CREBRF: variants seen among roughly 807,000 people sequenced by gnomAD.
CREBRF encodes UPF0474 protein C5orf41.
Under a neutral mutation model 66.1 loss-of-function variants are expected in CREBRF, and 5 were observed. That is an observed-to-expected ratio of 0.08 (90% CI 0.04 to 0.16). CREBRF has a LOEUF of 0.16. CREBRF is among the 10% of genes least tolerant of loss of function. CREBRF has a pLI of 1.00. For missense variants in CREBRF, 531 were observed against 744.9 expected (o/e 0.71, Z 3.34); for synonymous variants, 229 against 264.4 (o/e 0.87, Z 1.30).
At position 173,086,629 on chromosome 5, in the gene CREBRF, A is replaced by G; in HGVS notation, c.135+3A>G. The stretch of plus-strand genomic sequence containing the variant: ...ATCCAGATTTCATGTATGAACTGGT[A>G]AGCAACATTTTCTTGGTTTTGGTCT... On this transcript the variant is annotated splice_donor_region_variant and intron_variant, in intron 3 of 8. Transcript: ENST00000296953. 1 of 1,607,070 alleles carries G rather than the reference A, an allele frequency of 6.2e-7. No individual in the cohort carries two copies. The highest frequency in any genetic ancestry group is 8.5e-7 in the Non-Finnish European group (1 of 1,177,264).
intron 8 of CREBRF, among the ~76,000 whole-genome samples, chr5:173,127,874 A>G (rs1759311819): frequency 6.6e-6 from 1 of 152,172 alleles, no homozygotes; most frequent in South Asian, 2.1e-4. Context: ...AAATTTATTA[A>G]AAGTGAGCAA....
chr5:173,076,717 C>T (rs1561796055), intron 1 of CREBRF, among the ~76,000 whole-genome samples: 1 of 143,468 alleles, frequency 7.0e-6, no homozygotes, highest in East Asian at 2.1e-4. Context: ...GATTGCACCA[C>T]TGCATTCCAG....
At chr5:173,109,635 T>C (rs1250886615) in intron 5 of CREBRF, 1 of 152,152 alleles carries the variant, frequency 6.6e-6, no homozygotes, top group Non-Finnish European at 1.5e-5. Context: ...TAATACAAAG[T>C]CTTTACTGAA....
At chr5:173,098,676 A>C (rs1037261667) in intron 4 of CREBRF, among the ~76,000 whole-genome samples, 3 of 152,036 alleles carry the variant, frequency 2.0e-5, no homozygotes, top group African/African-American at 4.8e-5. Context: ...TGATCTATCC[A>C]TTGTTGAAAA....
At chr5:173,103,477 G>A (rs1758675595) in intron 4 of CREBRF, among the ~76,000 whole-genome samples, 1 of 152,192 alleles carries the variant, frequency 6.6e-6, no homozygotes. Context: ...TGTAGCAAAA[G>A]AGTAAGGATA....
At chr5:173,105,225 ATGTGTGTGTGTGTGTGTG>A (rs34768667) in intron 4 of CREBRF, among the ~76,000 whole-genome samples, 2 of 146,546 alleles carry the variant, frequency 1.4e-5, no homozygotes, top group Non-Finnish European at 3.0e-5. Context: ...GTGTGTATAT[ATGTGTGTGTGTGTGTGTG>A]TGTGTGTGTG....
intron 7 of CREBRF, among the ~76,000 whole-genome samples, chr5:173,122,301 C>T (rs918996115): frequency 4.6e-5 from 7 of 152,082 alleles, no homozygotes; most frequent in Non-Finnish European, 7.4e-5. Flanking sequence ...AGGGTTTCAC[C>T]GTTTGGCCAG....
At chr5:173,117,004 T>G (rs1759005323) in intron 7 of CREBRF, among the ~76,000 whole-genome samples, 1 of 152,224 alleles carries the variant, frequency 6.6e-6, no homozygotes, top group South Asian at 2.1e-4. Context: ...CCTGTGCTTA[T>G]TGGCTGTTCA....
chr5:173,124,987 T>G (rs985987947), intron 8 of CREBRF, among the ~76,000 whole-genome samples: 1 of 149,566 alleles, frequency 6.7e-6, no homozygotes, highest in Non-Finnish European at 1.5e-5. Flanking sequence ...GGCACAATCT[T>G]AGCTCACTGC....
intron 1 of CREBRF, among the ~76,000 whole-genome samples, chr5:173,072,119 T>C (rs1757615120): frequency 6.6e-6 from 1 of 152,068 alleles, no homozygotes; most frequent in Admixed American, 6.6e-5. Flanking sequence ...TTTTCCTTTT[T>C]TTTTAAGAGA....
At chr5:173,119,714 TC>T (rs1210618823) in intron 7 of CREBRF, among the ~76,000 whole-genome samples, 4 of 152,210 alleles carry the variant, frequency 2.6e-5, no homozygotes, top group African/African-American at 9.6e-5. Flanking sequence ...AAACCTTTTA[TC>T]TTTAGGTATG....
rs775317490 is a variant in CREBRF, at chr5:173,090,296, T to A, written c.136-19T>A. Reference sequence around the variant, plus strand: ...TTCTGAAATATGATGTGCAATTTCTTTTTTAAAACCTTTCTCAGGATAGAG... The same window carrying A: ...TTCTGAAATATGATGTGCAATTTCTATTTTAAAACCTTTCTCAGGATAGAG... On this transcript the variant is annotated intron_variant, in intron 3 of 8. Coordinates refer to ENST00000296953, the MANE Select transcript of CREBRF (RefSeq NM_153607.3). This position sits in a 1 kb window ranked among gnomAD's most constrained non-coding sequence, Gnocchi z 4.5. 6.4e-7 allele frequency: 1 copy of A among 1,559,630 alleles called. No homozygotes were observed. The highest frequency in any genetic ancestry group is 8.7e-7 in the Non-Finnish European group (1 of 1,147,618).
chr5:173,071,243 C>G (rs1757591946), intron 1 of CREBRF, among the ~76,000 whole-genome samples: 1 of 152,072 alleles, frequency 6.6e-6, no homozygotes, highest in South Asian at 2.1e-4. Flanking sequence ...TGGAGTTTTG[C>G]TTTTGTTGCC....
chr5:173,122,569 TTTATTATTATTA>T lies in CREBRF; in HGVS notation c.1682-476_1682-465del, dbSNP rs200659735. Among the ~76,000 whole-genome samples the T allele has an allele frequency of 2.2e-3, 291 of 132,082 alleles. 1 individual carries two copies. The highest frequency in any genetic ancestry group is 4.4e-3 in the Admixed American group (56 of 12,848). 86.7% of individuals were successfully genotyped at this position (132,082 alleles called of 152,430 possible). ...TTTGTTGGTGTCATCTATTATTTCT[TTTATTATTATTA>T]TTATTATTATTATTATTATTATTAT... On this transcript the variant is annotated intron_variant, in intron 7 of 8. Coordinates refer to ENST00000296953, the MANE Select transcript of CREBRF (RefSeq NM_153607.3).
At chr5:173,079,758 A>G (rs1193459744) in intron 1 of CREBRF, among the ~76,000 whole-genome samples, 1 of 152,188 alleles carries the variant, frequency 6.6e-6, no homozygotes, top group African/African-American at 2.4e-5. Context: ...CTGATGTAGT[A>G]CTGCTGATCC....
At chr5:173,074,942 C>T (rs1335296625) in intron 1 of CREBRF, among the ~76,000 whole-genome samples, 1 of 152,068 alleles carries the variant, frequency 6.6e-6, no homozygotes, top group Non-Finnish European at 1.5e-5. Flanking sequence ...TTTAAAAACT[C>T]TCCGAATGTG....
intron 8 of CREBRF, 111 bp from the exon 9 acceptor site, chr5:173,133,519 C>G (rs1391235813): frequency 1.5e-5 from 8 of 523,156 alleles, no homozygotes; most frequent in Non-Finnish European, 2.8e-5. Flanking sequence ...TCATTTGGGA[C>G]CAGTATCAAG....
At chr5:173,063,429 G>A (rs771986646) in intron 1 of CREBRF, among the ~76,000 whole-genome samples, 8 of 152,032 alleles carry the variant, frequency 5.3e-5, no homozygotes, top group Non-Finnish European at 1.2e-4. Flanking sequence ...GTGCAGTGGC[G>A]CCATCTCGGC....
Position 173,090,962 on chromosome 5 carries a change from G to A in CREBRF, c.783G>A (p.Lys261=), listed in dbSNP as rs1758312805. ...GCCAGATTCACACAGATGCAGCAAA[G>A]GAGAACACCTGCTACTGTGGTGCAG... ...LLSQIHTDAA[K]ENTCYCGAVA... The change falls in exon 4 of 9, where the codon AAG becomes AAA. Residue 261 remains lysine, a synonymous_variant. Coordinates refer to ENST00000296953, the MANE Select transcript of CREBRF (RefSeq NM_153607.3). This position sits in a 1 kb window ranked among gnomAD's most constrained non-coding sequence, Gnocchi z 4.5. 6.2e-7 allele frequency: 1 copy of A among 1,614,172 alleles called. No individual in the cohort carries two copies. The highest frequency in any genetic ancestry group is 1.3e-5 in the African/African-American group (1 of 75,044).
Sources: gnomAD v4.1 joint callset for allele counts (sites outside exome capture counted in the v4.1 genomes callset) on GRCh38, gnomAD v4.1.1 for gene constraint, Gnocchi (gnomAD v3.1) non-coding constraint, MANE v1.5 for transcripts, NCBI Gene and HGNC (gene_info 2026-07-23, HGNC 2026-07-21) for gene names.